The following DNAH8 variants were observed in gnomAD, a reference collection of about 807,000 sequenced individuals.
DNAH8 encodes dynein axonemal heavy chain 8, also known as axonemal beta dynein heavy chain 8.
DNAH8 carries 382 observed loss-of-function variants against 562.1 expected under a neutral mutation model. That is an observed-to-expected ratio of 0.68 (90% CI 0.63 to 0.74). The LOEUF is 0.74. Ranked by LOEUF, DNAH8 falls within the 30% of genes least tolerant of loss-of-function variation. The probability of loss-of-function intolerance (pLI) is 0.00; values close to 1 mark genes in which losing one functional copy is unlikely to be tolerated. For missense variants in DNAH8, 5,203 were observed against 5,620.4 expected (o/e 0.93, Z 2.37); for synonymous variants, 1,881 against 1,919.4 (o/e 0.98, Z 0.52).
intron 8 of DNAH8, among the ~76,000 whole-genome samples, chr6:38,745,189 G>A (rs1433520446): frequency 6.6e-6 from 1 of 152,176 alleles, no homozygotes; most frequent in African/African-American, 2.4e-5. Context: ...ACCTACTGCA[G>A]GTGCAAGCAT....
intron 16 of DNAH8, among the ~76,000 whole-genome samples, chr6:38,782,713 T>C (rs1240899424): frequency 6.6e-6 from 1 of 152,206 alleles, no homozygotes; most frequent in African/African-American, 2.4e-5. Context: ...TGGGATGGGA[T>C]CAGAAAAGGA....
chr6:39,024,315 A>G (rs753470499), intron 91 of DNAH8, among the ~76,000 whole-genome samples: 6 of 152,226 alleles, frequency 3.9e-5, no homozygotes, highest in South Asian at 4.1e-4. Flanking sequence ...ATCTTAAAAC[A>G]TCATAAAATA....
Position 38,830,272 on chromosome 6 carries a change from T to C in DNAH8, c.4188+1984T>C, listed in dbSNP as rs879588530. 4.4e-4 allele frequency among the ~76,000 whole-genome samples: 67 copies of C among 152,152 alleles called. 4 individuals are homozygous for C. Among genetic ancestry groups the C allele is most frequent in the Non-Finnish European group, 2.9e-5 (2 of 68,022 alleles). ...TTTTTTCTTTTAATGTAGAACTTGA[T>C]AGCTACAAATTTCTCTAAGCATTTT... On this transcript the variant is annotated intron_variant, in intron 30 of 92. Coordinates refer to ENST00000327475, the MANE Select transcript of DNAH8 (RefSeq NM_001206927.2).
intron 81 of DNAH8, 31 bp from the exon 82 acceptor site, chr6:38,951,287 T>C: frequency 1.9e-6 from 3 of 1,595,202 alleles, no homozygotes; most frequent in Non-Finnish European, 2.6e-6. Context: ...ACACGTTTAG[T>C]TTATTTCGCC....
At chr6:38,730,864 T>A in intron 4 of DNAH8, among the ~76,000 whole-genome samples, 1 of 152,170 alleles carries the variant, frequency 6.6e-6, no homozygotes, top group East Asian at 1.9e-4. Context: ...CTTTCTCTCC[T>A]CACCTGGCTT....
chr6:38,843,827 T>C (rs1475310045), intron 35 of DNAH8, among the ~76,000 whole-genome samples: 2 of 152,134 alleles, frequency 1.3e-5, no homozygotes, highest in African/African-American at 4.8e-5. Flanking sequence ...GCTTATATAA[T>C]GTGTTAAAAT....
At chr6:38,942,308 C>A (rs745989770) in intron 79 of DNAH8, among the ~76,000 whole-genome samples, 15 of 152,200 alleles carry the variant, frequency 9.9e-5, no homozygotes, top group Non-Finnish European at 1.9e-4. Flanking sequence ...GCTAATATGA[C>A]CCCTGAGAAG....
chr6:38,865,244 T>A (rs1042367779), intron 45 of DNAH8, among the ~76,000 whole-genome samples: 1 of 152,140 alleles, frequency 6.6e-6, no homozygotes, highest in African/African-American at 2.4e-5. Context: ...GGAAGCAAAA[T>A]CAGAAATGTT....
At position 38,971,663 on chromosome 6, in the gene DNAH8, C is replaced by T; in HGVS notation, c.12523C>T (p.Gln4175Ter). The change falls in exon 83 of 93, where the codon CAG becomes TAG. Residue 4175 changes from glutamine (Q) to a stop codon, truncating the protein, a stop_gained and splice_region_variant. Coordinates refer to ENST00000327475, the MANE Select transcript of DNAH8 (RefSeq NM_001206927.2). LOFTEE classifies it high-confidence loss of function. ...AAAGCTGATTCAGATGTCAATGCAG[C>T]AGGTATGTGACAAGAGACTGCTCCT... ...ARKLIQMSMQ[Q>*]GGWVLLQNCH... The T allele has an allele frequency of 6.3e-7, 1 of 1,598,042 alleles. No homozygotes were observed.
intron 76 of DNAH8, among the ~76,000 whole-genome samples, chr6:38,933,698 C>A (rs775997517): frequency 6.6e-6 from 1 of 152,210 alleles, no homozygotes; most frequent in Middle Eastern, 3.2e-3. Context: ...CTTTATCGCC[C>A]CATCAACTCC....
intron 6 of DNAH8, 24 bp downstream of exon 6, chr6:38,737,280 G>A (rs1764176152): frequency 1.5e-6 from 2 of 1,340,428 alleles, no homozygotes; most frequent in Non-Finnish European, 9.7e-7. Flanking sequence ...TTAATGTTTA[G>A]CAAATTGCAA....
chr6:38,732,533 G>GAAA (rs1180507563), intron 4 of DNAH8, among the ~76,000 whole-genome samples: 1 of 152,166 alleles, frequency 6.6e-6, no homozygotes, highest in Non-Finnish European at 1.5e-5. Context: ...TATATGAGTG[G>GAAA]AAAGCAGTGT....
intron 3 of DNAH8, among the ~76,000 whole-genome samples, chr6:38,724,823 A>C (rs188571001): frequency 1.5e-4 from 23 of 152,282 alleles, no homozygotes; most frequent in African/African-American, 5.3e-4. Context: ...ACCAGTGAGC[A>C]GGTGCAGACT....
intron 55 of DNAH8, 21 bp from the exon 56 acceptor site, chr6:38,883,855 A>G: frequency 1.3e-6 from 2 of 1,531,040 alleles, no homozygotes; most frequent in Non-Finnish European, 1.8e-6. Context: ...TGCATAAGAC[A>G]AAACGTTTCC....
At chr6:38,972,829 C>T (rs1022132917) in intron 83 of DNAH8, among the ~76,000 whole-genome samples, 2 of 152,168 alleles carry the variant, frequency 1.3e-5, no homozygotes, top group Non-Finnish European at 2.9e-5. Context: ...CATGATGACA[C>T]AAACTAATCC....
intron 89 of DNAH8, among the ~76,000 whole-genome samples, chr6:39,010,861 G>A (rs1766168393): frequency 7.1e-6 from 1 of 140,176 alleles, no homozygotes; most frequent in African/African-American, 2.6e-5. Context: ...ATGTATGTAT[G>A]TATAGCATAT....
chr6:38,849,049 A>G (rs1158239193), intron 37 of DNAH8, among the ~76,000 whole-genome samples: 1 of 152,172 alleles, frequency 6.6e-6, no homozygotes, highest in African/African-American at 2.4e-5. Flanking sequence ...CTGAGATTAT[A>G]CGGCCCAAAA....
At position 38,722,897 on chromosome 6, in the gene DNAH8, G is replaced by A; in HGVS notation, c.88G>A (p.Glu30Lys). ...AGAGGCTGCCCCTCCCCGTTCAGAA[G>A]AGGAAGAGGCCCCGCGCCCTCCGAC... ...TEEAAPPRSE[E>K]EEAPRPPTVE... The change falls in exon 2 of 93, where the codon GAG becomes AAG. Residue 30 changes from glutamate (E) to lysine (K), a missense_variant. By Grantham distance (56) the Glu-to-Lys change is moderately conservative (BLOSUM62 1). This residue lies in a region of DNAH8 where 556 missense variants were observed against 496.9 expected (regional missense o/e 1.12). Transcript: ENST00000327475. 2 of 1,612,174 alleles carry A rather than the reference G, an allele frequency of 1.2e-6. No individual in the cohort carries two copies. Among genetic ancestry groups the A allele is most frequent in the African/African-American group, 1.3e-5 (1 of 75,052 alleles).
intron 88 of DNAH8, among the ~76,000 whole-genome samples, chr6:39,002,737 C>T (rs187430580): frequency 6.6e-6 from 1 of 152,224 alleles, no homozygotes; most frequent in Non-Finnish European, 1.5e-5. Context: ...CATTAAAAAT[C>T]AGGTTTTACT....
Sources: gnomAD v4.1 joint callset for allele counts (sites outside exome capture counted in the v4.1 genomes callset) on GRCh38, gnomAD v4.1.1 for gene constraint, gnomAD v4.1.1 regional missense constraint, MANE v1.5 for transcripts, NCBI Gene and HGNC (gene_info 2026-07-23, HGNC 2026-07-21) for gene names.